PLEKHA2: variants seen among roughly 807,000 people sequenced by gnomAD.
PLEKHA2 encodes pleckstrin homology domain containing A2, also known as pleckstrin homology domain-containing family A member 2.
A neutral mutation model predicts 53.2 loss-of-function variants in PLEKHA2; 28 were observed. The observed-to-expected ratio is 0.53, with a 90% CI of 0.39 to 0.72. The LOEUF (loss-of-function observed/expected upper bound fraction) is 0.72, where lower values mean the gene tolerates loss of function less well. Among genes scored for constraint, PLEKHA2 ranks in the 30% least tolerant of loss-of-function variants. The pLI is 0.00. For synonymous variants in PLEKHA2, 193 were observed against 196.4 expected (o/e 0.98, Z 0.14); for missense variants, 426 against 537.9 (o/e 0.79, Z 2.06).
At chr8:38,912,159 G>A (rs1470742019) in intron 1 of PLEKHA2, among the ~76,000 whole-genome samples, 1 of 152,080 alleles carries the variant, frequency 6.6e-6, no homozygotes, top group Non-Finnish European at 1.5e-5. Flanking sequence ...AAATTAGCCG[G>A]ATGTGGTGGC....
chr8:38,954,754 G>A (rs1030104056), intron 9 of PLEKHA2, among the ~76,000 whole-genome samples: 5 of 152,228 alleles, frequency 3.3e-5, no homozygotes, highest in Admixed American at 6.5e-5. Context: ...TAGGCCGGGC[G>A]TGGTGGCTCA....
chr8:38,973,754 T>C lies in PLEKHA2; in HGVS notation c.*3971T>C. On this transcript the variant is annotated 3_prime_UTR_variant, in exon 12 of 12. Coordinates refer to ENST00000617275, the MANE Select transcript of PLEKHA2 (RefSeq NM_021623.2). ...ATGATTCTGTGTTTTAAAGCAGTGA[T>C]GTTTCAGCTGTGAAATGCACTCGCT... 1 of 163,944 alleles carries C rather than the reference T, an allele frequency of 6.1e-6. No individual in the cohort carries two copies. Among genetic ancestry groups the C allele is most frequent in the Non-Finnish European group, 1.3e-5 (1 of 76,748 alleles). The allele number at this position is 163,944 out of a possible 1,614,324, so 10.2% of individuals were successfully genotyped here. A position where few individuals can be genotyped will look rare whatever the true frequency, so the allele number is the denominator to read the frequency against.
In PLEKHA2 at chr8:38,922,983, T is replaced by C. The variant is rs961316188; in HGVS notation, c.141+4913T>C. ...AGCCCGTGCAAGGTCTTGTAGATGATGTGGAAAATGAATTCGGTGAGGCCT... is the reference window on the plus strand; with the variant it reads ...AGCCCGTGCAAGGTCTTGTAGATGACGTGGAAAATGAATTCGGTGAGGCCT... On this transcript the variant is annotated intron_variant, in intron 2 of 11. Coordinates refer to ENST00000617275, the MANE Select transcript of PLEKHA2 (RefSeq NM_021623.2). This position sits in a 1 kb window ranked among gnomAD's most constrained non-coding sequence, Gnocchi z 4.0. Among the ~76,000 whole-genome samples the C allele has an allele frequency of 2.6e-5, 4 of 152,182 alleles. No homozygotes were observed. Among genetic ancestry groups the C allele is most frequent in the Non-Finnish European group, 4.4e-5 (3 of 68,044 alleles).
intron 1 of PLEKHA2, among the ~76,000 whole-genome samples, 198 bp downstream of exon 1, chr8:38,901,643 C>T (rs1347124605): frequency 6.6e-6 from 1 of 152,088 alleles, no homozygotes; most frequent in African/African-American, 2.4e-5. Flanking sequence ...CTGGAGGCCT[C>T]CTCCAACCCT....
chr8:38,915,020 C>G (rs1380514826), intron 1 of PLEKHA2, among the ~76,000 whole-genome samples: 3 of 152,098 alleles, frequency 2.0e-5, no homozygotes, highest in African/African-American at 7.2e-5. Flanking sequence ...TCTCATGGTT[C>G]CCTGCAGCCC....
chr8:38,935,847 A>G, intron 2 of PLEKHA2, 147 bp from the exon 3 acceptor site: 1 of 678,390 alleles, frequency 1.5e-6, no homozygotes, highest in South Asian at 1.6e-5. Flanking sequence ...TCACTGTTTC[A>G]CAGGTGAGGA....
intron 1 of PLEKHA2, among the ~76,000 whole-genome samples, chr8:38,907,921 A>G (rs1833902575): frequency 6.6e-6 from 1 of 151,946 alleles, no homozygotes. Flanking sequence ...GGTGTGAGAC[A>G]TTGGCTCAAC....
intron 1 of PLEKHA2, among the ~76,000 whole-genome samples, chr8:38,911,621 A>G (rs1833956074): frequency 6.6e-6 from 1 of 152,130 alleles, no homozygotes; most frequent in Non-Finnish European, 1.5e-5. Context: ...GGAACTCTTG[A>G]GATAAACCAC....
chr8:38,924,362 G>A (rs1267612473), intron 2 of PLEKHA2, among the ~76,000 whole-genome samples: 2 of 152,268 alleles, frequency 1.3e-5, no homozygotes, highest in African/African-American at 4.8e-5. Context: ...GGAGTCAGGC[G>A]CGGAGGCAAG....
intron 1 of PLEKHA2, among the ~76,000 whole-genome samples, chr8:38,911,521 GCCA>G (rs1833954448): frequency 6.6e-6 from 1 of 152,084 alleles, no homozygotes. Context: ...ACAGGTGTGA[GCCA>G]CCGTGCCAGG....
intron 1 of PLEKHA2, among the ~76,000 whole-genome samples, chr8:38,912,252 C>T (rs1415882921): frequency 6.7e-6 from 1 of 150,330 alleles, no homozygotes; most frequent in South Asian, 2.1e-4. Flanking sequence ...TGAAGTGTGC[C>T]GAGATGGCTC....
rs545789697 is a variant in PLEKHA2, at chr8:38,918,474, C to T, written c.141+404C>T. Among the ~76,000 whole-genome samples, 25 of 32,456 alleles carry T rather than the reference C, an allele frequency of 7.7e-4. No homozygotes were observed. In the South Asian group the frequency reaches 0.017, roughly 22 times the overall value. 21.3% of individuals were successfully genotyped at this position (32,456 alleles called of 152,430 possible). ...CATACACCATACACACATGCACACA[C>T]GACACACACCATACACACAACCCAT... On this transcript the variant is annotated intron_variant, in intron 2 of 11. Transcript: ENST00000617275.
chr8:38,935,229 G>C (rs989971787), intron 2 of PLEKHA2, among the ~76,000 whole-genome samples: 3 of 151,788 alleles, frequency 2.0e-5, no homozygotes, highest in African/African-American at 7.3e-5. Flanking sequence ...GGCTGGTCTC[G>C]AACTCCTGAC....
intron 1 of PLEKHA2, among the ~76,000 whole-genome samples, chr8:38,915,711 G>A (rs115425965): frequency 0.016 from 2,389 of 152,252 alleles, 57 homozygotes; most frequent in African/African-American, 0.054. Context: ...ATGCTGGGCC[G>A]GGGCTGTGAC....
chr8:38,948,060 TG>T (rs1834748861), intron 5 of PLEKHA2, among the ~76,000 whole-genome samples: 1 of 138,066 alleles, frequency 7.2e-6, no homozygotes, highest in Non-Finnish European at 1.5e-5. Context: ...CACTCCAGCC[TG>T]GGCGACAGAG....
chr8:38,921,652 C>G (rs760947095), intron 2 of PLEKHA2, among the ~76,000 whole-genome samples: 3 of 152,252 alleles, frequency 2.0e-5, no homozygotes, highest in Non-Finnish European at 4.4e-5. Flanking sequence ...GGCTCTTACT[C>G]TTTCCTGCTA....
intron 3 of PLEKHA2, among the ~76,000 whole-genome samples, chr8:38,939,185 G>A (rs921286436): frequency 3.9e-5 from 6 of 152,158 alleles, no homozygotes; most frequent in African/African-American, 1.2e-4. Context: ...ATTATAGGTG[G>A]GAGCCACTGC....
intron 11 of PLEKHA2, chr8:38,968,893 A>G (rs1835189074): frequency 4.7e-6 from 2 of 429,670 alleles, no homozygotes; most frequent in South Asian, 8.7e-5. Flanking sequence ...AGAGAAATGG[A>G]ATTTCTTTTT....
intron 2 of PLEKHA2, among the ~76,000 whole-genome samples, chr8:38,925,062 A>G (rs149305122): frequency 2.2e-4 from 33 of 152,362 alleles, no homozygotes; most frequent in Non-Finnish European, 1.5e-5. Context: ...CTACCCTTTT[A>G]ACAAATTTTT....
Sources: gnomAD v4.1 joint callset for allele counts (sites outside exome capture counted in the v4.1 genomes callset) on GRCh38, gnomAD v4.1.1 for gene constraint, Gnocchi (gnomAD v3.1) non-coding constraint, MANE v1.5 for transcripts, NCBI Gene and HGNC (gene_info 2026-07-23, HGNC 2026-07-21) for gene names.